STK3: variants seen among roughly 807,000 people sequenced by gnomAD.
The protein encoded by STK3 is serine/threonine kinase 3, also known as serine/threonine-protein kinase 3.
STK3 carries 41 observed loss-of-function variants against 58.0 expected under a neutral mutation model. That is an observed-to-expected ratio of 0.71 (90% confidence interval 0.55 to 0.92). The LOEUF (loss-of-function observed/expected upper bound fraction) is 0.92, where lower values mean the gene tolerates loss of function less well. Among genes scored for constraint, STK3 ranks in the 40% least tolerant of loss-of-function variants. The pLI is 0.00. For synonymous variants in STK3, 170 were observed against 191.0 expected (o/e 0.89, Z 0.91); for missense variants, 479 against 602.7 (o/e 0.79, Z 2.15).
intron 9 of STK3, among the ~76,000 whole-genome samples, chr8:98,545,791 G>T (rs1162079420): frequency 6.6e-6 from 1 of 152,114 alleles, no homozygotes; most frequent in East Asian, 1.9e-4. Context: ...ATTAGCAAAT[G>T]TGGCTTTGAC....
chr8:98,832,256 AT>A (rs373187266), intron 3 of STK3, among the ~76,000 whole-genome samples: 7,055 of 85,082 alleles, frequency 0.083, 178 homozygotes, highest in East Asian at 0.12. Context: ...AAAAAAAAAA[AT>A]ATATATATAT....
intron 3 of STK3, among the ~76,000 whole-genome samples, chr8:98,421,054 C>T (rs1399544697): frequency 6.6e-6 from 1 of 152,168 alleles, no homozygotes; most frequent in African/African-American, 2.4e-5. Flanking sequence ...CTTCATCTTC[C>T]GTAGTCACCT....
At chr8:98,617,055 G>C (rs920456150) in intron 6 of STK3, among the ~76,000 whole-genome samples, 9 of 151,192 alleles carry the variant, frequency 6.0e-5, no homozygotes, top group Non-Finnish European at 8.9e-5. Context: ...TGACCACATA[G>C]TTGGAAGTAA....
intron 1 of STK3, among the ~76,000 whole-genome samples, chr8:98,934,413 T>A (rs960378016): frequency 1.3e-5 from 2 of 152,194 alleles, no homozygotes; most frequent in African/African-American, 4.8e-5. Context: ...ACCTTCTTTG[T>A]TCACACCTCC....
At chr8:98,749,678 T>A (rs1271984989) in intron 3 of STK3, among the ~76,000 whole-genome samples, 1 of 152,052 alleles carries the variant, frequency 6.6e-6, no homozygotes, top group Non-Finnish European at 1.5e-5. Context: ...CTACTTAACA[T>A]GAGGAACAAA....
At chr8:98,821,221 G>T (rs902206195) in intron 1 of STK3, among the ~76,000 whole-genome samples, 1 of 152,112 alleles carries the variant, frequency 6.6e-6, no homozygotes, top group African/African-American at 2.4e-5. Context: ...TCTCATAGGA[G>T]TGCGAACCCT....
chr8:98,634,067 T>C (rs182531388), intron 6 of STK3, among the ~76,000 whole-genome samples: 25 of 152,262 alleles, frequency 1.6e-4, no homozygotes, highest in Non-Finnish European at 2.5e-4. Flanking sequence ...AAGGGGATAT[T>C]ACTTGAGAGA....
intron 7 of STK3, among the ~76,000 whole-genome samples, chr8:98,587,909 T>C (rs951324623): frequency 1.3e-5 from 2 of 152,188 alleles, no homozygotes; most frequent in African/African-American, 2.4e-5. Context: ...TATCAGAGAC[T>C]AGGATTGCAA....
downstream of STK3, among the ~76,000 whole-genome samples, chr8:98,449,717 T>A (rs916035960): frequency 6.6e-6 from 1 of 152,198 alleles, no homozygotes; most frequent in Non-Finnish European, 1.5e-5. Flanking sequence ...TGAAATTTAA[T>A]TGCCAATGTA....
intron 6 of STK3, among the ~76,000 whole-genome samples, chr8:98,605,694 T>C (rs1816718074): frequency 6.6e-6 from 1 of 152,196 alleles, no homozygotes; most frequent in African/African-American, 2.4e-5. Context: ...CTCTTTAGGT[T>C]AGAAGTACAA....
In STK3 at chr8:98,408,452, T is replaced by A. The variant is rs4130403; in HGVS notation, n.484-6939A>T. 4.8e-3 allele frequency among the ~76,000 whole-genome samples: 733 copies of A among 152,292 alleles called. 10 individuals carry two copies. The highest frequency in any genetic ancestry group is 0.017 in the African/African-American group (697 of 41,552). On this transcript the variant is annotated intron_variant and non_coding_transcript_variant, in intron 3 of 3. Coordinates refer to the STK3 transcript ENST00000517832. ...TATGCATTTCACAAGCTAGTGGAAG[T>A]GCACATTGCCACGGCCATGAGAAAG...
intron 1 of STK3, among the ~76,000 whole-genome samples, chr8:98,446,574 G>A (rs901152076): frequency 6.6e-6 from 1 of 152,112 alleles, no homozygotes; most frequent in African/African-American, 2.4e-5. Flanking sequence ...TCTCACATCA[G>A]GCAGAATGGC....
chr8:98,661,777 A>G (rs1359512094), intron 6 of STK3, among the ~76,000 whole-genome samples: 4 of 152,214 alleles, frequency 2.6e-5, no homozygotes, highest in Admixed American at 2.6e-4. Context: ...AGAATACCAC[A>G]CATCTACTTT....
intron 3 of STK3, among the ~76,000 whole-genome samples, chr8:98,842,011 T>C (rs1220477695): frequency 6.6e-6 from 1 of 151,942 alleles, no homozygotes; most frequent in Non-Finnish European, 1.5e-5. Flanking sequence ...AACTAGAAAT[T>C]GGGAAAGAAA....
the STK3 span, among the ~76,000 whole-genome samples, chr8:98,365,909 A>C: frequency 6.6e-6 from 1 of 151,670 alleles, no homozygotes; most frequent in East Asian, 1.9e-4. Context: ...ATACAGACTT[A>C]TTTGTTTTAC....
chr8:98,775,462 T>A (rs1831614635), intron 1 of STK3, among the ~76,000 whole-genome samples: 1 of 152,206 alleles, frequency 6.6e-6, no homozygotes, highest in South Asian at 2.1e-4. Flanking sequence ...GACGCACCAA[T>A]GATAGGTTCC....
chr8:98,823,270 A>G (rs1322804843), intron 1 of STK3, among the ~76,000 whole-genome samples: 1 of 152,224 alleles, frequency 6.6e-6, no homozygotes, highest in Non-Finnish European at 1.5e-5. Flanking sequence ...ATACTTGAAC[A>G]TCAACGACAT....
chr8:98,438,875 T>G (rs966508891), intron 1 of STK3: 5 of 152,624 alleles, frequency 3.3e-5, no homozygotes, highest in African/African-American at 1.2e-4. Context: ...AGTGTATGCA[T>G]GTGGGTGTGT....
intron 1 of STK3, among the ~76,000 whole-genome samples, chr8:98,820,346 T>C (rs945189119): frequency 6.6e-6 from 1 of 152,152 alleles, no homozygotes; most frequent in African/African-American, 2.4e-5. Flanking sequence ...TCTTTTACTA[T>C]CCTTTTAGTG....
Sources: allele counts gnomAD v4.1 joint callset (sites outside exome capture counted in the v4.1 genomes callset), GRCh38; gene constraint gnomAD v4.1.1; transcripts MANE v1.5; gene names NCBI Gene and HGNC (gene_info 2026-07-23, HGNC 2026-07-21).